The following SLC24A2 variants were observed in gnomAD, a reference collection of about 807,000 sequenced individuals.
SLC24A2 encodes sodium/potassium/calcium exchanger 2.
Under a neutral mutation model 62.0 loss-of-function variants are expected in SLC24A2, and 36 were observed. That is an observed-to-expected ratio of 0.58 (90% CI 0.44 to 0.77). The LOEUF is 0.77. Among genes scored for constraint, SLC24A2 ranks in the 30% least tolerant of loss-of-function variants. SLC24A2 has a pLI of 0.00. For synonymous variants in SLC24A2, 358 were observed against 294.0 expected, an observed-to-expected ratio of 1.22 and a Z score of -2.23; for missense variants, 846 against 817.9, an observed-to-expected ratio of 1.03 and a Z score of -0.42.
the SLC24A2 span, among the ~76,000 whole-genome samples, chr9:20,289,946 C>G: frequency 6.6e-6 from 1 of 152,092 alleles, no homozygotes; most frequent in Non-Finnish European, 1.5e-5. Context: ...AACACACAGC[C>G]ACACACACAT....
chr9:20,235,921 C>T, the SLC24A2 span, among the ~76,000 whole-genome samples: 1 of 152,172 alleles, frequency 6.6e-6, no homozygotes, highest in East Asian at 1.9e-4. Context: ...TTGAGCCTCA[C>T]TGTAAGCTTT....
the SLC24A2 span, among the ~76,000 whole-genome samples, chr9:20,031,549 T>G: frequency 1.3e-5 from 2 of 151,972 alleles, no homozygotes; most frequent in African/African-American, 4.8e-5. Context: ...GGACCATAAT[T>G]GTGAGAGAAG....
At chr9:19,567,166 A>G (rs1406281960) in intron 7 of SLC24A2, among the ~76,000 whole-genome samples, 2 of 145,328 alleles carry the variant, frequency 1.4e-5, no homozygotes, top group Non-Finnish European at 3.0e-5. Flanking sequence ...AACCTAGAAA[A>G]GAATCTGGAA....
chr9:19,716,161 C>T (rs1820854159), intron 2 of SLC24A2, among the ~76,000 whole-genome samples: 1 of 152,038 alleles, frequency 6.6e-6, no homozygotes, highest in Non-Finnish European at 1.5e-5. Flanking sequence ...GTTTTCTTTC[C>T]TTCTTTTTCT....
At chr9:20,084,518 C>G in the SLC24A2 span, among the ~76,000 whole-genome samples, 15 of 151,020 alleles carry the variant, frequency 9.9e-5, no homozygotes, top group Non-Finnish European at 1.9e-4. Flanking sequence ...TCTCCCACCC[C>G]TCTCCTTTTT....
the SLC24A2 span, among the ~76,000 whole-genome samples, chr9:20,228,506 A>C: frequency 6.6e-6 from 1 of 151,864 alleles, no homozygotes; most frequent in Non-Finnish European, 1.5e-5. Flanking sequence ...ACAAATATGA[A>C]GATGGAAAAT....
At position 19,612,800 on chromosome 9, in the gene SLC24A2, C is replaced by T. The variant is rs111484050; in HGVS notation, c.1078+6784G>A. Among the ~76,000 whole-genome samples, 614 of 152,232 alleles carry T rather than the reference C, an allele frequency of 4.0e-3. 4 individuals are homozygous for T. The highest frequency in any genetic ancestry group is 0.013 in the African/African-American group (557 of 41,534). ...GCTGAGGTGGGAGGATCACTTGAGC[C>T]CAGGATTTCAAGTCTAGCCTGGGCA... On this transcript the variant is annotated intron_variant, in intron 4 of 10. Transcript: ENST00000341998.
At chr9:20,207,116 G>A in the SLC24A2 span, among the ~76,000 whole-genome samples, 5 of 152,104 alleles carry the variant, frequency 3.3e-5, no homozygotes, top group Non-Finnish European at 5.9e-5. Context: ...GAATAAATAG[G>A]AATGAATGAA....
the SLC24A2 span, among the ~76,000 whole-genome samples, chr9:20,122,496 G>A: frequency 2.0e-5 from 3 of 152,142 alleles, no homozygotes; most frequent in African/African-American, 7.2e-5. Context: ...AGACCAGCCT[G>A]GCCAACACGG....
chr9:20,170,082 C>T, the SLC24A2 span, among the ~76,000 whole-genome samples: 1 of 151,310 alleles, frequency 6.6e-6, no homozygotes, highest in Non-Finnish European at 1.5e-5. Flanking sequence ...GAAGAAAGAA[C>T]TTCAGAGCTC....
At chr9:20,238,528 T>A in the SLC24A2 span, among the ~76,000 whole-genome samples, 3 of 152,162 alleles carry the variant, frequency 2.0e-5, no homozygotes, top group Non-Finnish European at 4.4e-5. Context: ...AAAATTAAGT[T>A]AGTCAGAAAA....
the SLC24A2 span, among the ~76,000 whole-genome samples, chr9:20,119,652 A>G: frequency 6.6e-6 from 1 of 152,196 alleles, no homozygotes; most frequent in Non-Finnish European, 1.5e-5. Flanking sequence ...CTAATATCCT[A>G]ATGAATAGTG....
At chr9:19,656,673 A>C (rs1818952726) in intron 2 of SLC24A2, among the ~76,000 whole-genome samples, 1 of 152,054 alleles carries the variant, frequency 6.6e-6, no homozygotes, top group South Asian at 2.1e-4. Flanking sequence ...CTTTGTTCTT[A>C]TCTCTCTGCA....
At chr9:19,947,081 A>G in the SLC24A2 span, among the ~76,000 whole-genome samples, 5 of 152,340 alleles carry the variant, frequency 3.3e-5, no homozygotes, top group South Asian at 2.1e-4. Context: ...GACTGGGTCA[A>G]TACATGGCAG....
the SLC24A2 span, among the ~76,000 whole-genome samples, chr9:20,248,114 T>C: frequency 1.3e-3 from 199 of 152,328 alleles, no homozygotes; most frequent in African/African-American, 4.6e-3. Context: ...TTAAACTCAA[T>C]GCCTCTGAGA....
At chr9:19,933,655 A>T in the SLC24A2 span, among the ~76,000 whole-genome samples, 1 of 152,254 alleles carries the variant, frequency 6.6e-6, no homozygotes, top group African/African-American at 2.4e-5. Flanking sequence ...ATGTCTGTTT[A>T]AACACTTGTA....
chr9:19,677,788 A>C, intron 2 of SLC24A2, among the ~76,000 whole-genome samples: 1 of 150,038 alleles, frequency 6.7e-6, no homozygotes, highest in Non-Finnish European at 1.5e-5. Flanking sequence ...GATATCTATT[A>C]TATATTATAG....
At chr9:19,757,647 A>C (rs1822183326) in intron 2 of SLC24A2, among the ~76,000 whole-genome samples, 1 of 152,206 alleles carries the variant, frequency 6.6e-6, no homozygotes, top group Non-Finnish European at 1.5e-5. Context: ...AAAGTCACAT[A>C]AAACCCAGTA....
At chr9:20,029,521 T>C in the SLC24A2 span, among the ~76,000 whole-genome samples, 246 of 152,296 alleles carry the variant, frequency 1.6e-3, no homozygotes, top group African/African-American at 5.1e-3. Flanking sequence ...TGGGTCTCTG[T>C]TGGGCTGTGA....
Sources: gnomAD v4.1 joint callset for allele counts (sites outside exome capture counted in the v4.1 genomes callset) on GRCh38, gnomAD v4.1.1 for gene constraint, MANE v1.5 for transcripts, NCBI Gene and HGNC (gene_info 2026-07-23, HGNC 2026-07-21) for gene names.